Variants in CDH17 observed in about 807,000 individuals in gnomAD.
CDH17 encodes the protein cadherin-17.
In CDH17, 67 loss-of-function variants were observed where a neutral mutation model predicts 86.3. The observed-to-expected ratio is 0.78, with a 90% CI of 0.64 to 0.95. The LOEUF (loss-of-function observed/expected upper bound fraction) is 0.95, where lower values mean the gene tolerates loss of function less well. Among genes scored for constraint, CDH17 ranks in the 40% least tolerant of loss-of-function variants. The pLI is 0.00. For missense variants in CDH17, 993 were observed against 1,017.6 expected (o/e 0.98, Z 0.33); for synonymous variants, 367 against 366.4 (o/e 1.00, Z -0.02).
chr8:94,214,371 G>T (rs1230237781), intron 1 of CDH17, among the ~76,000 whole-genome samples: 2 of 152,184 alleles, frequency 1.3e-5, no homozygotes, highest in Admixed American at 6.5e-5. Context: ...AAACAGGATT[G>T]CCTCTGGAAA....
chr8:94,140,448 G>A (rs1812615840), intron 15 of CDH17, among the ~76,000 whole-genome samples: 1 of 151,946 alleles, frequency 6.6e-6, no homozygotes, highest in Non-Finnish European at 1.5e-5. Context: ...TGCAGCTAAT[G>A]TGACACCTAA....
At chr8:94,178,284 A>G (rs1224038556) in intron 3 of CDH17, among the ~76,000 whole-genome samples, 3 of 152,178 alleles carry the variant, frequency 2.0e-5, no homozygotes, top group Non-Finnish European at 2.9e-5. Flanking sequence ...AAAACTAAGA[A>G]AACATAAAAG....
intron 15 of CDH17, among the ~76,000 whole-genome samples, chr8:94,134,431 G>T (rs1353066991): frequency 6.6e-6 from 1 of 152,272 alleles, no homozygotes; most frequent in Non-Finnish European, 1.5e-5. Context: ...AGATTTTCTA[G>T]TTTATTTGTG....
chr8:94,211,302 T>G (rs1014768217), upstream of CDH17, among the ~76,000 whole-genome samples: 1 of 152,184 alleles, frequency 6.6e-6, no homozygotes, highest in Admixed American at 6.5e-5. Context: ...AATATTTATA[T>G]TCTTTTTTAT....
intron 1 of CDH17, among the ~76,000 whole-genome samples, chr8:94,197,563 T>C (rs1813808264): frequency 6.6e-6 from 1 of 152,074 alleles, no homozygotes; most frequent in Admixed American, 6.6e-5. Flanking sequence ...CCAGGCACGG[T>C]GGCTCAGGCC....
At chr8:94,185,276 T>TACACACACACACACAC (rs71277462) in intron 3 of CDH17, among the ~76,000 whole-genome samples, 4 of 136,760 alleles carry the variant, frequency 2.9e-5, no homozygotes, top group African/African-American at 1.1e-4. Context: ...CCTACCCCAA[T>TACACACACACACACAC]ACACACACAC....
chr8:94,179,046 TAA>T (rs3033905), intron 3 of CDH17, among the ~76,000 whole-genome samples: 4 of 139,024 alleles, frequency 2.9e-5, no homozygotes, highest in Admixed American at 7.2e-5. Context: ...GAATGTTTAT[TAA>T]AAAAAAAAAA....
rs776010345 is a variant in CDH17, at chr8:94,160,094, A to G, written c.1428T>C (p.Asp476=). 1.2e-6 allele frequency: 2 copies of G among 1,613,902 alleles called. No homozygotes were observed. Among genetic ancestry groups the G allele is most frequent in the South Asian group, 1.1e-5 (1 of 91,036 alleles). The change falls in exon 12 of 18, where the codon GAT becomes GAC. Residue 476 remains aspartate (D), a synonymous_variant. Coordinates refer to ENST00000027335, the MANE Select transcript of CDH17 (RefSeq NM_004063.4). Reference sequence around the variant, plus strand: ...AACTCCCAGTAAATGGCTCATCAGCATCAGTGGCCTGGATGGTTAAGATGG... The same window carrying G: ...AACTCCCAGTAAATGGCTCATCAGCGTCAGTGGCCTGGATGGTTAAGATGG... ...GSTILTIQAT[D]ADEPFTGSSK...
intron 3 of CDH17, among the ~76,000 whole-genome samples, chr8:94,182,540 G>C (rs1813503242): frequency 6.6e-6 from 1 of 152,054 alleles, no homozygotes; most frequent in African/African-American, 2.4e-5. Context: ...AATAGAGGCA[G>C]CAAATCATTT....
At chr8:94,214,067 C>T (rs943614123) in intron 1 of CDH17, among the ~76,000 whole-genome samples, 2 of 152,150 alleles carry the variant, frequency 1.3e-5, no homozygotes, top group African/African-American at 4.8e-5. Flanking sequence ...CTGACTATTC[C>T]ACAACTTCGC....
chr8:94,199,216 T>C (rs1012307764), intron 1 of CDH17, among the ~76,000 whole-genome samples: 9 of 151,852 alleles, frequency 5.9e-5, no homozygotes, highest in African/African-American at 2.2e-4. Context: ...CATCATCAGA[T>C]GTTGGGTAAA....
upstream of CDH17, among the ~76,000 whole-genome samples, chr8:94,210,512 T>C (rs1814106393): frequency 2.0e-5 from 3 of 152,286 alleles, no homozygotes; most frequent in Admixed American, 2.0e-4. Flanking sequence ...GTTCATATAT[T>C]CCTTACATGG....
At chr8:94,189,395 G>A (rs1459490676) in intron 2 of CDH17, 110 bp from the exon 3 acceptor site, 2 of 732,892 alleles carry the variant, frequency 2.7e-6, no homozygotes, top group African/African-American at 1.8e-5. Flanking sequence ...TTCTATCATG[G>A]CTGAAATCTG....
At chr8:94,162,009 C>T (rs894045552) in intron 11 of CDH17, 77 bp downstream of exon 11, 9 of 925,114 alleles carry the variant, frequency 9.7e-6, no homozygotes, top group African/African-American at 8.2e-5. Flanking sequence ...TAGCTACTGT[C>T]TGTGTCTCTA....
chr8:94,153,776 G>A (rs538259117), intron 12 of CDH17, among the ~76,000 whole-genome samples: 4 of 152,210 alleles, frequency 2.6e-5, no homozygotes, highest in African/African-American at 4.8e-5. Flanking sequence ...AAGATATTAC[G>A]GTAAGTGAAA....
At chr8:94,154,787 GAGA>G (rs1488062454) in intron 12 of CDH17, among the ~76,000 whole-genome samples, 2 of 152,134 alleles carry the variant, frequency 1.3e-5, no homozygotes, top group Non-Finnish European at 2.9e-5. Context: ...TAAGCTCCAT[GAGA>G]AGAAGAACTG....
At chr8:94,167,414 C>A (rs1813178110) in intron 9 of CDH17, among the ~76,000 whole-genome samples, 1 of 152,110 alleles carries the variant, frequency 6.6e-6, no homozygotes, top group Non-Finnish European at 1.5e-5. Flanking sequence ...CAGTTTGCAT[C>A]CACTGACGCA....
chr8:94,157,502 C>T (rs1812968884), intron 12 of CDH17, among the ~76,000 whole-genome samples: 1 of 152,134 alleles, frequency 6.6e-6, no homozygotes, highest in Non-Finnish European at 1.5e-5. Context: ...AGATCTATAT[C>T]CCAGAGGTAG....
intron 15 of CDH17, among the ~76,000 whole-genome samples, chr8:94,142,103 T>C (rs1304149074): frequency 1.3e-5 from 2 of 152,170 alleles, no homozygotes. Context: ...AAAAAAAGGA[T>C]GTTTTAAACA....
Sources: allele counts gnomAD v4.1 joint callset (sites outside exome capture counted in the v4.1 genomes callset), GRCh38; gene constraint gnomAD v4.1.1; transcripts MANE v1.5; gene names NCBI Gene and HGNC (gene_info 2026-07-23, HGNC 2026-07-21).